MICAL2: variants seen among roughly 807,000 people sequenced by gnomAD.
MICAL2 encodes microtubule associated monooxygenase, calponin and LIM domain containing 2, also known as [F-actin]-monooxygenase MICAL2.
MICAL2 carries 77 observed loss-of-function variants against 127.3 expected under a neutral mutation model. The ratio of observed to expected loss-of-function variants is 0.60; its 90% CI spans 0.50 to 0.73. The LOEUF is 0.73. MICAL2 is among the 30% of genes least tolerant of loss of function. The probability of loss-of-function intolerance (pLI) is 0.00; values close to 1 mark genes in which losing one functional copy is unlikely to be tolerated. For synonymous variants in MICAL2, 570 were observed against 551.1 expected (o/e 1.03, Z -0.48); for missense variants, 1,351 against 1,434.4 (o/e 0.94, Z 0.94).
chr11:12,117,831 G>T (rs1454926233), intron 1 of MICAL2, among the ~76,000 whole-genome samples: 2 of 152,210 alleles, frequency 1.3e-5, no homozygotes, highest in Non-Finnish European at 2.9e-5. Flanking sequence ...TACATCATTT[G>T]TCTGATGACT....
chr11:12,268,718 C>T (rs938410136), downstream of MICAL2, among the ~76,000 whole-genome samples: 2 of 152,112 alleles, frequency 1.3e-5, no homozygotes, highest in Non-Finnish European at 2.9e-5. Context: ...CGGCCGGGCG[C>T]GGTCGCTCAC....
At chr11:12,262,795 G>T in intron 27 of MICAL2, 1 of 437,086 alleles carries the variant, frequency 2.3e-6, no homozygotes, top group Non-Finnish European at 4.1e-6. Context: ...TCTCCCTTGG[G>T]TCTGCCTGCG....
intron 22 of MICAL2, among the ~76,000 whole-genome samples, chr11:12,250,919 C>A (rs1179884929): frequency 1.3e-5 from 2 of 152,150 alleles, no homozygotes; most frequent in Non-Finnish European, 2.9e-5. Flanking sequence ...CTGGCTCTAA[C>A]CCTGAGGTCC....
downstream of MICAL2, chr11:12,293,901 G>A (rs1416685135): frequency 5.0e-6 from 8 of 1,611,576 alleles, no homozygotes; most frequent in African/African-American, 1.3e-5. Context: ...CGGGAAAAAG[G>A]GAGTACTGGA....
At chr11:12,240,425 T>C (rs1729659525) in intron 17 of MICAL2, among the ~76,000 whole-genome samples, 1 of 152,238 alleles carries the variant, frequency 6.6e-6, no homozygotes, top group Non-Finnish European at 1.5e-5. Flanking sequence ...TCATAGTTAA[T>C]TAGCTTTTGA....
At chr11:12,317,717 G>A (rs535984290) in intron 29 of MICAL2, among the ~76,000 whole-genome samples, 28 of 152,060 alleles carry the variant, frequency 1.8e-4, no homozygotes, top group Middle Eastern at 6.8e-3. Flanking sequence ...ACTTGAACCC[G>A]GGAGGCGGAG....
chr11:12,319,554 C>G, intron 29 of MICAL2: 1 of 624,560 alleles, frequency 1.6e-6, no homozygotes, highest in Admixed American at 2.9e-5. Context: ...GTACTGTTGC[C>G]TCATGCTCAC....
chr11:12,206,771 C>T (rs1020551506), intron 4 of MICAL2, among the ~76,000 whole-genome samples: 2 of 152,172 alleles, frequency 1.3e-5, no homozygotes, highest in Non-Finnish European at 2.9e-5. Context: ...CCCCTGCTGC[C>T]CCAGCACCCA....
At chr11:12,256,039 A>G (rs2134650525) in intron 23 of MICAL2, 1 of 356,194 alleles carries the variant, frequency 2.8e-6, no homozygotes, top group East Asian at 4.4e-5. Flanking sequence ...GGCCGTGAGC[A>G]TAATTGAATG....
intron 3 of MICAL2, among the ~76,000 whole-genome samples, chr11:12,201,171 C>T (rs1471586769): frequency 1.3e-5 from 2 of 152,040 alleles, no homozygotes; most frequent in Non-Finnish European, 1.5e-5. Context: ...AGAGGAAGCA[C>T]GTGGGCTTGC....
At chr11:12,245,824 G>A (rs749203759) in intron 21 of MICAL2, among the ~76,000 whole-genome samples, 1 of 152,208 alleles carries the variant, frequency 6.6e-6, no homozygotes, top group East Asian at 1.9e-4. Flanking sequence ...TAGGGAAAGG[G>A]ACCTTCCCCA....
chr11:12,354,796 G>A, exon 34 of MICAL2: 2 of 1,613,990 alleles, frequency 1.2e-6, no homozygotes, highest in South Asian at 1.1e-5. Flanking sequence ...CCCAGGAACT[G>A]GAATTAGAAG....
intron 2 of MICAL2, among the ~76,000 whole-genome samples, chr11:12,147,753 G>A (rs1424540226): frequency 6.6e-6 from 1 of 152,224 alleles, no homozygotes; most frequent in Non-Finnish European, 1.5e-5. Flanking sequence ...TCACAATATA[G>A]GTTCTCAGTA....
At chr11:12,344,729 G>GA (rs1938926141) in intron 32 of MICAL2, among the ~76,000 whole-genome samples, 1 of 150,264 alleles carries the variant, frequency 6.7e-6, no homozygotes, top group Admixed American at 6.6e-5. Context: ...TTGAACTCCT[G>GA]ACCCCAGATG....
chr11:12,165,620 T>C (rs1484599970), intron 3 of MICAL2, among the ~76,000 whole-genome samples: 2 of 152,220 alleles, frequency 1.3e-5, no homozygotes, highest in Non-Finnish European at 2.9e-5. Context: ...CAGCACCACC[T>C]GGAGTGGGTC....
At chr11:12,177,443 G>A (rs1856958852) in intron 3 of MICAL2, among the ~76,000 whole-genome samples, 2 of 152,120 alleles carry the variant, frequency 1.3e-5, no homozygotes, top group African/African-American at 4.8e-5. Flanking sequence ...CTCATTCTGT[G>A]GGTTATCTTT....
chr11:12,135,455 C>T (rs7102287), intron 1 of MICAL2, among the ~76,000 whole-genome samples: 88,188 of 151,890 alleles, frequency 0.58, 26,378 homozygotes, highest in South Asian at 0.71. Flanking sequence ...TACCCACCCA[C>T]TCTGATGCAG....
At chr11:12,183,799 G>A (rs1035458116) in intron 3 of MICAL2, among the ~76,000 whole-genome samples, 1 of 151,696 alleles carries the variant, frequency 6.6e-6, no homozygotes, top group Non-Finnish European at 1.5e-5. Flanking sequence ...TTATTTTTTT[G>A]AGACAGGGTC....
intron 1 of MICAL2, among the ~76,000 whole-genome samples, chr11:12,130,231 G>A (rs1851303322): frequency 6.6e-6 from 1 of 152,160 alleles, no homozygotes. Context: ...TGAAGCATTT[G>A]CAGTGCCTGA....
Sources: allele counts gnomAD v4.1 joint callset (sites outside exome capture counted in the v4.1 genomes callset), GRCh38; gene constraint gnomAD v4.1.1; transcripts MANE v1.5; gene names NCBI Gene and HGNC (gene_info 2026-07-23, HGNC 2026-07-21).